Variants in C15orf40 observed in about 807,000 individuals in gnomAD.
C15orf40 encodes the protein UPF0235 protein C15orf40.
A neutral mutation model predicts 13.9 loss-of-function variants in C15orf40; 9 were observed. The ratio of observed to expected loss-of-function variants is 0.65; its 90% CI spans 0.39 to 1.13. The LOEUF (loss-of-function observed/expected upper bound fraction) is 1.13, where lower values mean the gene tolerates loss of function less well. Ranked by LOEUF, C15orf40 falls within the 50% of genes most tolerant of loss-of-function variation. The pLI is 0.01. For missense variants in C15orf40, 225 were observed against 188.5 expected, an observed-to-expected ratio of 1.19 and a Z score of -1.13; for synonymous variants, 95 against 69.2, an observed-to-expected ratio of 1.37 and a Z score of -1.85.
In C15orf40 at chr15:83,004,712, A is replaced by T. The variant is rs1596406972; in HGVS notation, c.*885T>A. 4 of 907,546 alleles carry T rather than the reference A, an allele frequency of 4.4e-6. No individual in the cohort carries two copies. Among genetic ancestry groups the T allele is most frequent in the Non-Finnish European group, 5.2e-6 (4 of 771,184 alleles). 56.2% of individuals were successfully genotyped at this position (907,546 alleles called of 1,614,324 possible). A position where few individuals can be genotyped will look rare whatever the true frequency, so the allele number is the denominator to read the frequency against. On this transcript the variant is annotated 3_prime_UTR_variant, in exon 4 of 4. Coordinates refer to ENST00000304177, the MANE Select transcript of C15orf40 (RefSeq NM_144597.3). The stretch of plus-strand genomic sequence containing the variant: ...ACTTTTTCAACAAAATGGTAAATAT[A>T]GTCTTTAAAAGATGTAAAAAAAAAA...
chr15:82,995,784 CAA>C lies in C15orf40; in HGVS notation c.*9811_*9812del, dbSNP rs1567087065. 1 of 152,498 alleles carries C rather than the reference CAA, an allele frequency of 6.6e-6. No homozygotes were observed. Among genetic ancestry groups the C allele is most frequent in the Non-Finnish European group, 1.5e-5 (1 of 68,286 alleles). The allele number at this position is 152,498 out of a possible 1,614,324, so 9.4% of individuals were successfully genotyped here. On this transcript the variant is annotated 3_prime_UTR_variant, in exon 4 of 4. Transcript: ENST00000304177. The stretch of plus-strand genomic sequence containing the variant: ...TGGGTGACCGAGCGAGACTCCGTCT[CAA>C]AAACAAACAGGCAACAAAAACAGCT...
At chr15:82,992,422 A>G (rs550386882), downstream of C15orf40, among the ~76,000 whole-genome samples, 3 of 152,264 alleles carry the variant, frequency 2.0e-5, no homozygotes, top group East Asian at 5.8e-4. Context: ...AGACTGAGTT[A>G]AGAGAATCAC....
downstream of C15orf40, chr15:82,990,988 A>G (rs2030837155): frequency 4.9e-6 from 1 of 203,848 alleles, no homozygotes; most frequent in African/African-American, 2.3e-5. Flanking sequence ...ATTTCAAATC[A>G]CTTTAATGAT....
downstream of C15orf40, among the ~76,000 whole-genome samples, chr15:82,994,209 T>C (rs532863072): frequency 8.1e-4 from 124 of 152,290 alleles, no homozygotes; most frequent in African/African-American, 2.9e-3. Context: ...TTAAGGGTAA[T>C]AAAATGTCAG....
intron 3 of C15orf40, among the ~76,000 whole-genome samples, chr15:83,006,042 C>A (rs1045593664): frequency 6.6e-6 from 1 of 151,940 alleles, no homozygotes; most frequent in Non-Finnish European, 1.5e-5. Flanking sequence ...CCAGCCTGAC[C>A]AACATGGTGA....
In C15orf40 at chr15:83,011,498, T is replaced by C; in HGVS notation, c.110A>G (p.Lys37Arg). ...GCCGCCACGGGACCTGCTACTGGCC[T>C]TGGTCGTCGCACCAGCCTTCTTAGG... ...EMPKKAGATT[K>R]GKSQSKEPER... is the part of the protein sequence containing the mutation. Residue 37 changes from lysine (K) to arginine (R), a missense_variant and splice_region_variant, in exon 1 of 4, where the codon AAG becomes AGG. Transcript: ENST00000304177. 1 of 1,604,292 alleles carries C rather than the reference T, an allele frequency of 6.2e-7. No individual in the cohort carries two copies.
rs566850438 is a variant in C15orf40, at chr15:83,009,305, T to C, written c.239-630A>G. ...TTTATGAAGATATTAGTACCATTAT[T>C]ATCTCCATTTTACAAATGAGCCATG... On this transcript the variant is annotated intron_variant, in intron 2 of 3. Transcript: ENST00000304177. 2.0e-5 allele frequency among the ~76,000 whole-genome samples: 3 copies of C among 152,356 alleles called. No homozygotes were observed. The South Asian group carries it at 6.2e-4, about 32-fold the overall frequency.
chr15:83,002,766 A>T lies in C15orf40; in HGVS notation c.*2831T>A, dbSNP rs1163661778. On this transcript the variant is annotated 3_prime_UTR_variant, in exon 4 of 4. Coordinates refer to ENST00000304177, the MANE Select transcript of C15orf40 (RefSeq NM_144597.3). ...AAGTGGGCCTGAGGATGAAACTGGC[A>T]CTGCAGAAGATTCAGGGGAAGGAAA... is the stretch of plus-strand genomic sequence containing the variant. 3.3e-5 allele frequency: 5 copies of T among 152,234 alleles called. 1 individual carries two copies. The highest frequency in any genetic ancestry group is 7.3e-5 in the Non-Finnish European group (5 of 68,056). The allele number at this position is 152,234 out of a possible 1,614,324, so 9.4% of individuals were successfully genotyped here.
Position 83,008,531 on chromosome 15 carries a change from AAG to A in C15orf40, c.366+15_366+16del, listed in dbSNP as rs777283822. 1.6e-5 allele frequency: 26 copies of A among 1,609,830 alleles called. No homozygotes were observed. The South Asian group carries it at 2.6e-4, about 16-fold the overall frequency. ...AAGATTTTGTCTCAAAAAAAAAAAAAAGAGAGCGAGACCTACCTTATCCAAAA... is the reference window on the plus strand; with the variant it reads ...AAGATTTTGTCTCAAAAAAAAAAAAAAGAGCGAGACCTACCTTATCCAAAA... On this transcript the variant is annotated intron_variant, in intron 3 of 3. Transcript: ENST00000304177.
chr15:83,006,455 T>G, intron 3 of C15orf40: 1 of 985,344 alleles, frequency 1.0e-6, no homozygotes, highest in Non-Finnish European at 1.2e-6. Flanking sequence ...CACAACCACT[T>G]AAAACTTTAA....
chr15:83,010,850 T>C (rs75112081), intron 1 of C15orf40: 3,908 of 158,864 alleles, frequency 0.025, 69 homozygotes, highest in Middle Eastern at 0.039. Flanking sequence ...GCAATGGATA[T>C]GTAAAGATGA....
intron 3 of C15orf40, chr15:83,006,247 T>C (rs780417145): frequency 1.9e-6 from 1 of 522,072 alleles, no homozygotes; most frequent in Non-Finnish European, 2.4e-6. Flanking sequence ...AAAAAAAATC[T>C]AAAAAATGAT....
rs1274891430 is a variant in C15orf40 at position 82,997,234 on chromosome 15, TA to T, written c.*8362del. The T allele has an allele frequency of 1.5e-4, 23 of 150,530 alleles. No individual in the cohort carries two copies. The highest frequency in any genetic ancestry group is 1.1e-3 in the Admixed American group (17 of 15,112). The allele number at this position is 150,530 out of a possible 1,614,324, so 9.3% of individuals were successfully genotyped here. A position where few individuals can be genotyped will look rare whatever the true frequency, so the allele number is the denominator to read the frequency against. The stretch of plus-strand genomic sequence containing the variant: ...TATTTATTTTTATTTTTTTTTAATT[TA>T]TTTTTTTATTGATAATTCTTGGGTG... On this transcript the variant is annotated 3_prime_UTR_variant, in exon 4 of 4. Transcript: ENST00000304177.
downstream of C15orf40, chr15:82,991,858 T>C: frequency 7.8e-7 from 1 of 1,274,740 alleles, no homozygotes; most frequent in Non-Finnish European, 1.0e-6. Context: ...CTACAGATAT[T>C]TAGTCTAGAT....
chr15:82,998,259 G>GC lies in C15orf40; in HGVS notation c.*7337dup, dbSNP rs1424205248. Reference sequence around the variant, plus strand: ...CCTCCCGGATGGGGTGGCTGGCCGGGCGGGGGACTGACCCCCCCCCACCTC... The same window carrying GC: ...CCTCCCGGATGGGGTGGCTGGCCGGGCCGGGGGACTGACCCCCCCCCACCTC... On this transcript the variant is annotated 3_prime_UTR_variant, in exon 4 of 4. Transcript: ENST00000304177. 1 of 145,952 alleles carries GC rather than the reference G, an allele frequency of 6.9e-6. No homozygotes were observed. The highest frequency in any genetic ancestry group is 1.4e-5 in the Non-Finnish European group (1 of 72,230). 9.0% of individuals were successfully genotyped at this position (145,952 alleles called of 1,614,324 possible).
rs1449915537 is a variant in C15orf40, at chr15:83,001,281, A to T, written c.*4316T>A. ...TCTTTCCCAGGATCTGTCGAAGTAC[A>T]GCATAGGCAAACCACCTAGCAGTGT... On this transcript the variant is annotated 3_prime_UTR_variant, in exon 4 of 4. Transcript: ENST00000304177. 7 of 985,376 alleles carry T rather than the reference A, an allele frequency of 7.1e-6. No homozygotes were observed. Among genetic ancestry groups the T allele is most frequent in the Non-Finnish European group, 8.4e-6 (7 of 829,960 alleles). The allele number at this position is 985,376 out of a possible 1,614,324, so 61.0% of individuals were successfully genotyped here.
intron 3 of C15orf40, chr15:83,006,482 A>G: frequency 2.0e-6 from 2 of 985,372 alleles, no homozygotes; most frequent in Non-Finnish European, 2.4e-6. Context: ...TTTGTTGGCC[A>G]GGTGTGGTGG....
Position 83,008,641 on chromosome 15 carries a change from T to G in C15orf40, c.273A>C (p.Ala91=). The change falls in exon 3 of 4, where the codon GCA becomes GCC. Residue 91 remains alanine (A), a synonymous_variant. Transcript: ENST00000304177. ...TAGCCTCTCCCTCTGATGGAGGTGC[T>G]GCAATAGCTACATTTACAGCCTCTG... is the stretch of plus-strand genomic sequence containing the variant. ...LTAEAVNVAI[A]APPSEGEANA... is the part of the protein sequence containing the mutation. 1 of 1,612,700 alleles carries G rather than the reference T, an allele frequency of 6.2e-7. No individual in the cohort carries two copies. The highest frequency in any genetic ancestry group is 1.1e-5 in the South Asian group (1 of 90,692).
Position 83,005,241 on chromosome 15 carries a change from C to T in C15orf40, c.*356G>A, listed in dbSNP as rs971558169. On this transcript the variant is annotated 3_prime_UTR_variant, in exon 4 of 4. Coordinates refer to ENST00000304177, the MANE Select transcript of C15orf40 (RefSeq NM_144597.3). ...AGTATATTTTTCTATTTAACAGCCTCTTCACCATTAGCAATAAAAAAGTTT... is the reference window on the plus strand; with the variant it reads ...AGTATATTTTTCTATTTAACAGCCTTTTCACCATTAGCAATAAAAAAGTTT... 9.8e-7 allele frequency: 1 copy of T among 1,016,680 alleles called. No homozygotes were observed. The highest frequency in any genetic ancestry group is 1.2e-6 in the Non-Finnish European group (1 of 847,740). 63.0% of individuals were successfully genotyped at this position (1,016,680 alleles called of 1,614,324 possible).
Sources: gnomAD v4.1 joint callset for allele counts (sites outside exome capture counted in the v4.1 genomes callset) on GRCh38, gnomAD v4.1.1 for gene constraint, MANE v1.5 for transcripts, NCBI Gene and HGNC (gene_info 2026-07-23, HGNC 2026-07-21) for gene names.